The following KIF13B variants were observed in gnomAD, a reference collection of about 807,000 sequenced individuals.
The protein encoded by KIF13B is kinesin-like protein KIF13B.
In KIF13B, 127 loss-of-function variants were observed where a neutral mutation model predicts 222.0. The ratio of observed to expected loss-of-function variants is 0.57; its 90% CI spans 0.50 to 0.66. The LOEUF is 0.66. KIF13B is among the 30% of genes least tolerant of loss of function. The pLI is 0.00. For missense variants in KIF13B, 2,173 were observed against 2,379.0 expected, an observed-to-expected ratio of 0.91 and a Z score of 1.80; for synonymous variants, 976 against 919.0, an observed-to-expected ratio of 1.06 and a Z score of -1.12.
upstream of KIF13B, chr8:29,263,072 C>G (rs1180390288): frequency 6.4e-7 from 1 of 1,560,298 alleles, no homozygotes; most frequent in South Asian, 1.2e-5. Context: ...CTTCCGTCTG[C>G]CGCGGCCACC....
Position 29,177,570 on chromosome 8 carries a change from T to C in KIF13B, c.729A>G (p.Gly243=). ...CCAGGCTGAGTTTGCCCACTTTCTCTCCAGATGTCTACAAAGGAAATCAAT... is the reference window on the plus strand; with the variant it reads ...CCAGGCTGAGTTTGCCCACTTTCTCCCCAGATGTCTACAAAGGAAATCAAT... The part of the protein sequence containing the change: ...TLYDVKSGTS[G]EKVGKLSLVD... Residue 243 remains glycine (G), a synonymous_variant, in exon 9 of 40, where the codon GGA becomes GGG. Transcript: ENST00000524189. The C allele has an allele frequency of 1.2e-6, 2 of 1,609,534 alleles. No individual in the cohort carries two copies. Among genetic ancestry groups the C allele is most frequent in the Middle Eastern group, 1.7e-4 (1 of 6,042 alleles).
intron 24 of KIF13B, 79 bp from the exon 25 acceptor site, chr8:29,127,347 T>A: frequency 8.2e-7 from 1 of 1,226,802 alleles, no homozygotes; most frequent in Admixed American, 2.2e-5. Flanking sequence ...CCCTACAGGC[T>A]GATGTTGAGA....
At chr8:29,183,873 T>A (rs563361410) in intron 6 of KIF13B, among the ~76,000 whole-genome samples, 10 of 152,268 alleles carry the variant, frequency 6.6e-5, no homozygotes, top group African/African-American at 2.4e-4. Flanking sequence ...AATGAATGAC[T>A]AGCACAGAAG....
chr8:29,143,842 C>CA (rs1252308827), intron 18 of KIF13B, among the ~76,000 whole-genome samples: 4 of 149,522 alleles, frequency 2.7e-5, no homozygotes, highest in Non-Finnish European at 3.0e-5. Flanking sequence ...GACTCTGTCT[C>CA]AAAAAAAATA....
chr8:29,107,562 C>CTTT (rs35539806), intron 35 of KIF13B, among the ~76,000 whole-genome samples: 1 of 134,816 alleles, frequency 7.4e-6, no homozygotes. Context: ...TTTGAAGTTT[C>CTTT]TTTTTTTTTT....
rs118015525 is a variant in KIF13B, at chr8:29,191,831, A to G, written c.163-774T>C. ...ACTGACTGCATCTTTCACTTTTTCGATTTCTGTCAGTTTGAAATCTACTTA... is the reference window on the plus strand; with the variant it reads ...ACTGACTGCATCTTTCACTTTTTCGGTTTCTGTCAGTTTGAAATCTACTTA... On this transcript the variant is annotated intron_variant, in intron 3 of 39. Coordinates refer to ENST00000524189, the MANE Select transcript of KIF13B (RefSeq NM_015254.4). Among the ~76,000 whole-genome samples, 41 of 152,166 alleles carry G rather than the reference A, an allele frequency of 2.7e-4. No individual in the cohort carries two copies. In the East Asian group the frequency reaches 6.7e-3, roughly 25 times the overall value.
intron 17 of KIF13B, among the ~76,000 whole-genome samples, chr8:29,146,877 G>C (rs531211828): frequency 1.3e-5 from 2 of 152,284 alleles, no homozygotes; most frequent in African/African-American, 4.8e-5. Context: ...TCAATCTCCA[G>C]GTAAAAGGGA....
At chr8:29,125,971 G>A (rs2129774474) in intron 26 of KIF13B, among the ~76,000 whole-genome samples, 1 of 152,234 alleles carries the variant, frequency 6.6e-6, no homozygotes, top group East Asian at 1.9e-4. Flanking sequence ...AGCTGGGCAT[G>A]GTGGCGTGCA....
chr8:29,231,341 A>G (rs1815277155), intron 2 of KIF13B, among the ~76,000 whole-genome samples: 1 of 152,248 alleles, frequency 6.6e-6, no homozygotes. Context: ...TTATATAACT[A>G]TATTAAAATG....
At position 29,253,769 on chromosome 8, in the gene KIF13B, G is replaced by T. The variant is rs1288846439; in HGVS notation, c.56-8330C>A. Reference sequence around the variant, plus strand: ...TGCTTGAATCTGGGAGGCAGAGGCTGCAGTGAGCCAAGATTACGACATTAC... The same window carrying T: ...TGCTTGAATCTGGGAGGCAGAGGCTTCAGTGAGCCAAGATTACGACATTAC... On this transcript the variant is annotated intron_variant, in intron 1 of 39. Transcript: ENST00000524189. Among the ~76,000 whole-genome samples the T allele has an allele frequency of 4.2e-5, 6 of 142,564 alleles. No homozygotes were observed. In the East Asian group the frequency reaches 1.3e-3, roughly 30 times the overall value. The allele number at this position is 142,564 out of a possible 152,430, so 93.5% of individuals were successfully genotyped here. A position where few individuals can be genotyped will look rare whatever the true frequency, so the allele number is the denominator to read the frequency against.
intron 35 of KIF13B, among the ~76,000 whole-genome samples, chr8:29,106,479 A>G (rs1025183214): frequency 6.6e-6 from 1 of 151,988 alleles, no homozygotes; most frequent in African/African-American, 2.4e-5. Context: ...TAAAAATACA[A>G]AAGTTAGTAG....
chr8:29,245,973 G>C (rs1816001807), intron 1 of KIF13B, among the ~76,000 whole-genome samples: 1 of 152,140 alleles, frequency 6.6e-6, no homozygotes, highest in African/African-American at 2.4e-5. Flanking sequence ...AAATGTAAAA[G>C]AAATGCAAGA....
intron 7 of KIF13B, 122 bp downstream of exon 7, chr8:29,181,797 G>A: frequency 1.8e-6 from 1 of 541,658 alleles, no homozygotes; most frequent in South Asian, 3.2e-5. Context: ...TTTTTGTAAA[G>A]TGATTTATTA....
chr8:29,086,498 G>A (rs1808054156), intron 37 of KIF13B, among the ~76,000 whole-genome samples: 1 of 152,202 alleles, frequency 6.6e-6, no homozygotes, highest in Admixed American at 6.5e-5. Flanking sequence ...TCCAGCCTGA[G>A]TGATAAGCAA....
At chr8:29,157,056 C>T (rs1811565802) in intron 13 of KIF13B, among the ~76,000 whole-genome samples, 1 of 152,058 alleles carries the variant, frequency 6.6e-6, no homozygotes, top group South Asian at 2.1e-4. Flanking sequence ...CCCATACCCA[C>T]CCCATGTCAA....
Position 29,072,324 on chromosome 8 carries a change from A to G in KIF13B, c.4522-8T>C. The G allele has an allele frequency of 7.1e-7, 1 of 1,398,682 alleles. No individual in the cohort carries two copies. The highest frequency in any genetic ancestry group is 9.3e-7 in the Non-Finnish European group (1 of 1,071,628). 86.6% of individuals were successfully genotyped at this position (1,398,682 alleles called of 1,614,324 possible). A position where few individuals can be genotyped will look rare whatever the true frequency, so the allele number is the denominator to read the frequency against. On this transcript the variant is annotated splice_region_variant and splice_polypyrimidine_tract_variant and intron_variant, in intron 38 of 39. Coordinates refer to ENST00000524189, the MANE Select transcript of KIF13B (RefSeq NM_015254.4). ...GCCCATCTCCGGCTGAGCCTGCAGC[A>G]GGACGGGGAAGCAGGGGCTGAGAAC...
At position 29,110,201 on chromosome 8, in the gene KIF13B, A is replaced by G. The variant is rs552192166; in HGVS notation, c.3931-131T>C. ...AAAGTCAGCTTTGGAACGCCAAAGC[A>G]TTTTTCCAAGGAAATAATGAAAAGG... On this transcript the variant is annotated intron_variant, in intron 32 of 39. Coordinates refer to ENST00000524189, the MANE Select transcript of KIF13B (RefSeq NM_015254.4). The G allele has an allele frequency of 1.5e-5, 11 of 757,794 alleles. No homozygotes were observed. The South Asian group carries it at 1.7e-4, about 11-fold the overall frequency. The allele number at this position is 757,794 out of a possible 1,614,324, so 46.9% of individuals were successfully genotyped here.
chr8:29,148,590 G>A lies in KIF13B; in HGVS notation c.1800C>T (p.Ala600=), dbSNP rs776182905. 6.2e-7 allele frequency: 1 copy of A among 1,605,556 alleles called. No homozygotes were observed. The highest frequency in any genetic ancestry group is 2.2e-5 in the East Asian group (1 of 44,670). ...EYAQMEVTMK[A]LGSNDPMQSI... The stretch of plus-strand genomic sequence containing the variant: ...CGACTTGCTCACCATTGCTGCCCAG[G>A]GCCTTCATGGTGACCTCCATCTGTG... Residue 600 remains alanine (A), a synonymous_variant, in exon 16 of 40, where the codon GCC becomes GCT. Coordinates refer to ENST00000524189, the MANE Select transcript of KIF13B (RefSeq NM_015254.4).
intron 1 of KIF13B, among the ~76,000 whole-genome samples, chr8:29,248,520 A>G (rs1256091493): frequency 1.3e-5 from 2 of 151,666 alleles, no homozygotes; most frequent in Admixed American, 1.3e-4. Context: ...GGCAGCAGAG[A>G]AGAGAAGGAC....
Sources: gnomAD v4.1 joint callset for allele counts (sites outside exome capture counted in the v4.1 genomes callset) on GRCh38, gnomAD v4.1.1 for gene constraint, MANE v1.5 for transcripts, NCBI Gene and HGNC (gene_info 2026-07-23, HGNC 2026-07-21) for gene names.